EPS15: variants seen among roughly 807,000 people sequenced by gnomAD.
EPS15 encodes the protein epidermal growth factor receptor substrate 15.
In EPS15, 72 loss-of-function variants were observed where a neutral mutation model predicts 113.8. The observed-to-expected ratio is 0.63, with a 90% confidence interval of 0.52 to 0.77. EPS15 has a LOEUF of 0.77. Ranked by LOEUF, EPS15 falls within the 30% of genes least tolerant of loss-of-function variation. EPS15 has a pLI of 0.00. For missense variants in EPS15, 1,048 were observed against 1,045.8 expected (o/e 1.00, Z -0.03); for synonymous variants, 344 against 363.4 (o/e 0.95, Z 0.61).
intron 1 of EPS15, among the ~76,000 whole-genome samples, chr1:51,488,853 A>C (rs1277439009): frequency 6.6e-6 from 1 of 152,204 alleles, no homozygotes; most frequent in African/African-American, 2.4e-5. Context: ...ATGATAAAAG[A>C]AATGTGTCCA....
At chr1:51,461,002 T>C in intron 8 of EPS15, 89 bp downstream of exon 8, 1 of 863,150 alleles carries the variant, frequency 1.2e-6, no homozygotes, top group Non-Finnish European at 1.9e-6. Flanking sequence ...GAGAATATAG[T>C]TTTCCTCTAA....
intron 11 of EPS15, among the ~76,000 whole-genome samples, chr1:51,443,473 C>T (rs1249260250): frequency 3.3e-5 from 5 of 151,756 alleles, no homozygotes; most frequent in East Asian, 1.9e-4. Context: ...TCATGTCATA[C>T]ATCATAAGGA....
chr1:51,468,956 C>G (rs994759079), intron 4 of EPS15, among the ~76,000 whole-genome samples: 1 of 151,932 alleles, frequency 6.6e-6, no homozygotes, highest in African/African-American at 2.4e-5. Flanking sequence ...GGAGAAACCC[C>G]GTCTCTCTAC....
chr1:51,423,486 A>T (rs1019947204), intron 12 of EPS15: 29 of 985,320 alleles, frequency 2.9e-5, no homozygotes, highest in Non-Finnish European at 3.4e-5. Context: ...GTCTTGCTGC[A>T]GCATGTTAGA....
At chr1:51,452,823 C>A (rs1653686298) in intron 8 of EPS15, among the ~76,000 whole-genome samples, 1 of 152,080 alleles carries the variant, frequency 6.6e-6, no homozygotes, top group Non-Finnish European at 1.5e-5. Context: ...CCATTGGTAC[C>A]CAAATTTTAG....
At chr1:51,389,881 C>A (rs1305248077) in intron 21 of EPS15, among the ~76,000 whole-genome samples, 2 of 118,376 alleles carry the variant, frequency 1.7e-5, no homozygotes, top group Non-Finnish European at 3.8e-5. Context: ...GTGAAAATGG[C>A]CATACTGCCC....
chr1:51,474,746 T>C (rs555900450), intron 2 of EPS15, among the ~76,000 whole-genome samples: 41 of 152,178 alleles, frequency 2.7e-4, no homozygotes, highest in African/African-American at 9.4e-4. Flanking sequence ...GTTTGTTACA[T>C]ATGTATACAT....
At chr1:51,463,893 G>T in intron 6 of EPS15, 95 bp from the exon 7 acceptor site, 2 of 593,386 alleles carry the variant, frequency 3.4e-6, no homozygotes, top group South Asian at 3.5e-5. Flanking sequence ...GACTACATAT[G>T]TTTTTAAACT....
intron 21 of EPS15, among the ~76,000 whole-genome samples, chr1:51,367,867 C>G (rs1001043808): frequency 1.1e-4 from 16 of 152,238 alleles, no homozygotes; most frequent in Admixed American, 6.5e-4. Context: ...CACAGTGGCT[C>G]ACGCCTGTAA....
intron 1 of EPS15, among the ~76,000 whole-genome samples, chr1:51,489,878 C>T (rs1028979589): frequency 1.3e-5 from 2 of 152,152 alleles, no homozygotes; most frequent in Non-Finnish European, 2.9e-5. Flanking sequence ...CTCCTCCAGC[C>T]CGGATCCTCA....
At chr1:51,385,980 G>A (rs573568639) in intron 21 of EPS15, among the ~76,000 whole-genome samples, 70 of 152,212 alleles carry the variant, frequency 4.6e-4, no homozygotes, top group African/African-American at 1.6e-3. Flanking sequence ...ACAACAATGT[G>A]AATGTACTTA....
rs140191955 is a variant in EPS15 at position 51,429,102 on chromosome 1, C to T, written c.1041-7244G>A. Among the ~76,000 whole-genome samples the T allele has an allele frequency of 4.9e-3, 740 of 152,192 alleles. 2 individuals are homozygous for T. The highest frequency in any genetic ancestry group is 0.024 in the Middle Eastern group (7 of 294). ...CAAGGTCTCACTATGTTGCCCTGACCTCAAGCAATCCTCCCATCTTGGCTT... is the reference window on the plus strand; with the variant it reads ...CAAGGTCTCACTATGTTGCCCTGACTTCAAGCAATCCTCCCATCTTGGCTT... On this transcript the variant is annotated intron_variant, in intron 12 of 24. Coordinates refer to ENST00000371733, the MANE Select transcript of EPS15 (RefSeq NM_001981.3).
At chr1:51,443,819 A>AT (rs946861326) in intron 11 of EPS15, among the ~76,000 whole-genome samples, 12 of 151,322 alleles carry the variant, frequency 7.9e-5, no homozygotes, top group African/African-American at 1.7e-4. Context: ...CACCTGGCTA[A>AT]TTTTTTTGTT....
chr1:51,406,083 T>C lies in EPS15; in HGVS notation c.1499A>G (p.Lys500Arg). 6.2e-7 allele frequency: 1 copy of C among 1,613,772 alleles called. No homozygotes were observed. The highest frequency in any genetic ancestry group is 8.5e-7 in the Non-Finnish European group (1 of 1,179,912). The change falls in exon 16 of 25, where the codon AAA becomes AGA. Residue 500 changes from lysine (K) to arginine (R), a missense_variant. By Grantham distance (26) the Lys-to-Arg change is conservative. Transcript: ENST00000371733. ...CTGACTATTATGATTTTCCAAATCT[T>C]TCATTTCCATCAGTTTCATTTGCAT... ...SSMQMKLMEM[K>R]DLENHNSQLN...
intron 12 of EPS15, chr1:51,422,160 T>C (rs1047562990): frequency 8.1e-6 from 5 of 614,412 alleles, no homozygotes; most frequent in Non-Finnish European, 8.8e-6. Context: ...ACTGTTGCTA[T>C]GGAAATAGTG....
At chr1:51,464,046 C>T (rs955051223) in intron 6 of EPS15, among the ~76,000 whole-genome samples, 7 of 152,050 alleles carry the variant, frequency 4.6e-5, no homozygotes, top group African/African-American at 1.7e-4. Context: ...GTAGCTGGAA[C>T]ACCATCTTTA....
intron 10 of EPS15, among the ~76,000 whole-genome samples, chr1:51,445,796 G>C (rs1652997013): frequency 1.3e-5 from 2 of 151,976 alleles, no homozygotes; most frequent in African/African-American, 4.8e-5. Flanking sequence ...TATAACCTTG[G>C]CTAAGTTTTT....
At chr1:51,467,144 A>G (rs934688764) in intron 5 of EPS15, among the ~76,000 whole-genome samples, 14 of 152,234 alleles carry the variant, frequency 9.2e-5, no homozygotes, top group African/African-American at 3.4e-4. Context: ...ACTGTCACCT[A>G]TCAAACCGCA....
intron 12 of EPS15, among the ~76,000 whole-genome samples, chr1:51,433,186 A>G (rs1423881644): frequency 6.6e-6 from 1 of 152,244 alleles, no homozygotes; most frequent in East Asian, 1.9e-4. Context: ...ACATAGTTCC[A>G]TTCACTCTTC....
Sources: allele counts gnomAD v4.1 joint callset (sites outside exome capture counted in the v4.1 genomes callset), GRCh38; gene constraint gnomAD v4.1.1; transcripts MANE v1.5; gene names NCBI Gene and HGNC (gene_info 2026-07-23, HGNC 2026-07-21).